SSH2: variants seen among roughly 807,000 people sequenced by gnomAD.
SSH2 encodes protein phosphatase Slingshot homolog 2.
Under a neutral mutation model 135.2 loss-of-function variants are expected in SSH2, and 37 were observed. That is an observed-to-expected ratio of 0.27 (90% CI 0.21 to 0.36). SSH2 has a LOEUF of 0.36. Ranked by LOEUF, SSH2 falls within the 10% of genes least tolerant of loss-of-function variation. The pLI is 1.00. For missense variants in SSH2, 1,408 were observed against 1,765.3 expected (o/e 0.80, Z 3.63); for synonymous variants, 628 against 646.2 (o/e 0.97, Z 0.43).
chr17:29,771,928 A>G (rs1422412984), intron 3 of SSH2, among the ~76,000 whole-genome samples: 2 of 152,090 alleles, frequency 1.3e-5, no homozygotes, highest in African/African-American at 4.8e-5. Flanking sequence ...ACAATTATAC[A>G]CTTTTCAACA....
intron 3 of SSH2, among the ~76,000 whole-genome samples, 172 bp from the exon 4 acceptor site, chr17:29,703,234 A>G (rs1201582417): frequency 6.6e-6 from 1 of 151,986 alleles, no homozygotes; most frequent in Non-Finnish European, 1.5e-5. Context: ...GCTCCTGTCT[A>G]CTCTAGACAA....
At chr17:29,860,410 A>C (rs1013125529) in intron 1 of SSH2, among the ~76,000 whole-genome samples, 1 of 150,804 alleles carries the variant, frequency 6.6e-6, no homozygotes. Context: ...TCTTCTTTTG[A>C]AAAGCGTCTC....
chr17:29,916,716 G>A (rs1325015330), intron 1 of SSH2, among the ~76,000 whole-genome samples: 3 of 152,064 alleles, frequency 2.0e-5, no homozygotes, highest in Non-Finnish European at 2.9e-5. Flanking sequence ...TAGGATAACT[G>A]GCAGGTAACA....
At chr17:29,929,068 A>G (rs1173676446) in intron 1 of SSH2, 1 of 152,128 alleles carries the variant, frequency 6.6e-6, no homozygotes, top group Non-Finnish European at 1.5e-5. Flanking sequence ...AGCCTAAGAG[A>G]ATGGAGTGTA....
intron 12 of SSH2, among the ~76,000 whole-genome samples, chr17:29,651,412 T>C (rs562809384): frequency 1.7e-4 from 26 of 152,376 alleles, no homozygotes; most frequent in African/African-American, 4.1e-4. Flanking sequence ...ACTGCATTAC[T>C]GGCTGCTATG....
chr17:29,699,665 A>C (rs947941171), intron 4 of SSH2, among the ~76,000 whole-genome samples: 1 of 152,246 alleles, frequency 6.6e-6, no homozygotes, highest in Admixed American at 6.5e-5. Flanking sequence ...CACTGACCCC[A>C]TTAACTATCA....
intron 4 of SSH2, 144 bp downstream of exon 4, chr17:29,702,814 AG>A: frequency 1.6e-6 from 1 of 639,016 alleles, no homozygotes. Context: ...TTGGTCTGTG[AG>A]GGTAAAAGTC....
rs756703449 is a variant in SSH2, at chr17:29,632,563, G to A, written c.2631C>T (p.Leu877=). The A allele has an allele frequency of 1.2e-6, 2 of 1,614,190 alleles. No homozygotes were observed. The highest frequency in any genetic ancestry group is 4.5e-5 in the East Asian group (2 of 44,884). ...EGEPAEGEQE[L]QGSGMHPGAK... Reference sequence around the variant, plus strand: ...CACCTGGGTGCATCCCTGAGCCCTGGAGCTCTTGTTCCCCCTCAGCTGGTT... The same window carrying A: ...CACCTGGGTGCATCCCTGAGCCCTGAAGCTCTTGTTCCCCCTCAGCTGGTT... Residue 877 remains leucine, a synonymous_variant, in exon 16 of 16, where the codon CTC becomes CTT. Transcript: ENST00000540801.
intron 1 of SSH2, among the ~76,000 whole-genome samples, chr17:29,923,501 C>A (rs2067011470): frequency 1.3e-5 from 2 of 151,504 alleles, no homozygotes; most frequent in Non-Finnish European, 1.5e-5. Flanking sequence ...TATCTATGGT[C>A]CCAGCTTTTT....
chr17:29,701,090 C>T (rs535069368), intron 4 of SSH2, among the ~76,000 whole-genome samples: 1 of 152,232 alleles, frequency 6.6e-6, no homozygotes, highest in Non-Finnish European at 1.5e-5. Context: ...CCTGACTCAG[C>T]CTCCTGAATA....
intron 1 of SSH2, among the ~76,000 whole-genome samples, chr17:29,891,383 T>C (rs1179210728): frequency 6.6e-6 from 1 of 152,196 alleles, no homozygotes. Flanking sequence ...AATAGTTCTC[T>C]GCACTGTTAT....
At chr17:29,676,651 AT>A (rs2037734376) in intron 8 of SSH2, 168 bp downstream of exon 8, 1 of 559,938 alleles carries the variant, frequency 1.8e-6, no homozygotes, top group Admixed American at 3.0e-5. Flanking sequence ...AGGCCTTCCA[AT>A]TGCAACAATT....
At chr17:29,798,586 C>A (rs898892870) in intron 2 of SSH2, among the ~76,000 whole-genome samples, 6 of 152,082 alleles carry the variant, frequency 3.9e-5, no homozygotes, top group East Asian at 3.9e-4. Context: ...TACATAACCT[C>A]ATTGAGTGTT....
At chr17:29,698,979 C>T (rs2038872841) in intron 4 of SSH2, among the ~76,000 whole-genome samples, 2 of 152,178 alleles carry the variant, frequency 1.3e-5, no homozygotes, top group Admixed American at 6.5e-5. Flanking sequence ...ACCAGGAGTC[C>T]TACTCAAGTA....
intron 2 of SSH2, among the ~76,000 whole-genome samples, chr17:29,827,876 C>CTAATACA (rs1267113188): frequency 1.3e-5 from 2 of 151,920 alleles, no homozygotes; most frequent in Non-Finnish European, 2.9e-5. Context: ...GTAATGCTAT[C>CTAATACA]TAATACATTT....
chr17:29,776,336 C>T (rs1169170159), intron 3 of SSH2: 1 of 152,134 alleles, frequency 6.6e-6, no homozygotes, highest in Non-Finnish European at 1.5e-5. Context: ...GCATGCCCAA[C>T]ACACCGTCTT....
intron 1 of SSH2, among the ~76,000 whole-genome samples, chr17:29,857,030 G>A (rs1296132051): frequency 6.6e-6 from 1 of 151,618 alleles, no homozygotes; most frequent in Non-Finnish European, 1.5e-5. Context: ...TCCACCCCTG[G>A]CCCCTCCCAA....
At chr17:29,912,183 C>A (rs1296916540) in intron 1 of SSH2, among the ~76,000 whole-genome samples, 1 of 152,070 alleles carries the variant, frequency 6.6e-6, no homozygotes, top group African/African-American at 2.4e-5. Context: ...GGATGTACTG[C>A]CAGAGCTACA....
intron 3 of SSH2, among the ~76,000 whole-genome samples, chr17:29,785,308 G>A (rs115895005): frequency 0.014 from 2,201 of 151,916 alleles, 55 homozygotes; most frequent in African/African-American, 0.049. Flanking sequence ...ATTAAATTAA[G>A]ATCTCAAAGT....
Sources: allele counts gnomAD v4.1 joint callset (sites outside exome capture counted in the v4.1 genomes callset), GRCh38; gene constraint gnomAD v4.1.1; transcripts MANE v1.5; gene names NCBI Gene and HGNC (gene_info 2026-07-23, HGNC 2026-07-21).